NRXN3: variants seen among roughly 807,000 people sequenced by gnomAD.
NRXN3 encodes neurexin 3.
A neutral mutation model predicts 137.6 loss-of-function variants in NRXN3; 32 were observed. The ratio of observed to expected loss-of-function variants is 0.23; its 90% CI spans 0.18 to 0.31. The LOEUF is 0.31. Ranked by LOEUF, NRXN3 falls within the 10% of genes least tolerant of loss-of-function variation. The pLI is 1.00. For missense variants in NRXN3, 1,574 were observed against 2,062.5 expected, an observed-to-expected ratio of 0.76 and a Z score of 4.59; for synonymous variants, 798 against 784.5, an observed-to-expected ratio of 1.02 and a Z score of -0.29.
At chr14:78,347,719 TG>T (rs2082941039) in intron 4 of NRXN3, among the ~76,000 whole-genome samples, 1 of 152,154 alleles carries the variant, frequency 6.6e-6, no homozygotes, top group African/African-American at 2.4e-5. Flanking sequence ...TCTGTGACGT[TG>T]GGAACAGCAT....
At chr14:79,151,543 C>A (rs2153033790) in intron 15 of NRXN3, among the ~76,000 whole-genome samples, 1 of 152,150 alleles carries the variant, frequency 6.6e-6, no homozygotes, top group African/African-American at 2.4e-5. Flanking sequence ...GGTCCTTGGA[C>A]TTGGTGCTGT....
chr14:79,046,868 A>T (rs2099633898), intron 15 of NRXN3, among the ~76,000 whole-genome samples: 1 of 152,238 alleles, frequency 6.6e-6, no homozygotes, highest in African/African-American at 2.4e-5. Context: ...TAACAGAATT[A>T]AGCAACATAC....
At chr14:79,169,103 C>T (rs1468559275) in intron 15 of NRXN3, among the ~76,000 whole-genome samples, 1 of 152,100 alleles carries the variant, frequency 6.6e-6, no homozygotes, top group Non-Finnish European at 1.5e-5. Flanking sequence ...TCCCTTCCAT[C>T]CTCAGTCACC....
chr14:79,474,423 T>C (rs1196693039), intron 16 of NRXN3, among the ~76,000 whole-genome samples: 1 of 152,124 alleles, frequency 6.6e-6, no homozygotes, highest in East Asian at 1.9e-4. Flanking sequence ...GCTTGGACTT[T>C]TTAGGCAAAA....
intron 2 of NRXN3, among the ~76,000 whole-genome samples, chr14:78,267,890 G>C (rs1179521970): frequency 6.6e-6 from 1 of 152,150 alleles, no homozygotes; most frequent in Non-Finnish European, 1.5e-5. Context: ...GTCTTTTTGA[G>C]TCTCCAGTGC....
intron 4 of NRXN3, among the ~76,000 whole-genome samples, chr14:78,313,285 G>A (rs1263263842): frequency 4.6e-5 from 7 of 152,120 alleles, no homozygotes; most frequent in South Asian, 2.1e-4. Context: ...TGTTTGTTTC[G>A]TCTGTTTAGT....
chr14:78,456,424 G>C (rs1255637479), intron 4 of NRXN3, among the ~76,000 whole-genome samples: 1 of 152,146 alleles, frequency 6.6e-6, no homozygotes, highest in Non-Finnish European at 1.5e-5. Context: ...GTATGTAAAG[G>C]GTTTTCTGCT....
At chr14:79,499,273 G>A (rs1288009403) in intron 16 of NRXN3, among the ~76,000 whole-genome samples, 1 of 152,072 alleles carries the variant, frequency 6.6e-6, no homozygotes, top group East Asian at 1.9e-4. Context: ...CACACCCTGG[G>A]CTGTTTGTCA....
intron 6 of NRXN3, among the ~76,000 whole-genome samples, chr14:78,708,256 T>C (rs1158984738): frequency 6.6e-6 from 1 of 152,178 alleles, no homozygotes; most frequent in African/African-American, 2.4e-5. Context: ...TAACCTTGGG[T>C]AGGGCATGGA....
At chr14:78,633,688 C>A (rs1022759869) in intron 4 of NRXN3, among the ~76,000 whole-genome samples, 1 of 152,334 alleles carries the variant, frequency 6.6e-6, no homozygotes, top group East Asian at 1.9e-4. Flanking sequence ...CTAGGATTTG[C>A]ACCTCCGCAT....
chr14:79,465,731 G>T (rs2153611396), intron 15 of NRXN3, among the ~76,000 whole-genome samples: 1 of 152,298 alleles, frequency 6.6e-6, no homozygotes, highest in South Asian at 2.1e-4. Context: ...GTATCTGAAT[G>T]GTTGTATAAT....
chr14:79,467,078 GCCGTTCCT>G lies in NRXN3; in HGVS notation c.3263-141_3263-134del, dbSNP rs534590150. 4.0e-4 allele frequency: 264 copies of G among 655,338 alleles called. 1 individual carries two copies. In the African/African-American group the frequency reaches 4.7e-3, roughly 12 times the overall value. 40.6% of individuals were successfully genotyped at this position (655,338 alleles called of 1,614,324 possible). The stretch of plus-strand genomic sequence containing the variant: ...ATAGCTGCCTTCAGAAGCTTTGGGA[GCCGTTCCT>G]CTCAGTAACCAAATACTGTCCCATG... On this transcript the variant is annotated intron_variant, in intron 15 of 20. Coordinates refer to ENST00000335750, the MANE Select transcript of NRXN3 (RefSeq NM_001330195.2).
intron 15 of NRXN3, among the ~76,000 whole-genome samples, chr14:79,136,633 T>C (rs1056367292): frequency 1.3e-5 from 2 of 152,138 alleles, no homozygotes; most frequent in Non-Finnish European, 2.9e-5. Flanking sequence ...CCCGGCCTGC[T>C]CCTCTCACAA....
At chr14:79,682,235 A>C (rs2098674349) in intron 17 of NRXN3, among the ~76,000 whole-genome samples, 1 of 152,162 alleles carries the variant, frequency 6.6e-6, no homozygotes, top group Non-Finnish European at 1.5e-5. Context: ...ATGCTGATCC[A>C]TACTTTTCTC....
At chr14:79,663,147 CA>C (rs1331669365) in intron 16 of NRXN3, among the ~76,000 whole-genome samples, 12 of 152,138 alleles carry the variant, frequency 7.9e-5, no homozygotes, top group African/African-American at 2.2e-4. Context: ...GCCATCTAAT[CA>C]TGAAAATTCT....
intron 6 of NRXN3, among the ~76,000 whole-genome samples, chr14:78,655,399 T>C (rs2097776690): frequency 6.6e-6 from 1 of 152,196 alleles, no homozygotes; most frequent in African/African-American, 2.4e-5. Flanking sequence ...ATGGAATCTC[T>C]ATATTTCTCA....
At chr14:78,928,922 A>G (rs2099313945) in intron 10 of NRXN3, among the ~76,000 whole-genome samples, 2 of 152,188 alleles carry the variant, frequency 1.3e-5, no homozygotes, top group South Asian at 4.1e-4. Context: ...CCAACAGTGT[A>G]AAAGCATTCC....
At chr14:79,023,969 T>C (rs1334783475) in intron 15 of NRXN3, among the ~76,000 whole-genome samples, 1 of 152,162 alleles carries the variant, frequency 6.6e-6, no homozygotes, top group Non-Finnish European at 1.5e-5. Flanking sequence ...TTCAAGTGGC[T>C]ATGTTCCTTT....
chr14:79,805,219 C>G (rs1255699187), intron 20 of NRXN3, 29 bp downstream of exon 20: 1 of 1,590,496 alleles, frequency 6.3e-7, no homozygotes, highest in Admixed American at 1.7e-5. Flanking sequence ...ATTTTGCTTG[C>G]TTTCTTTTTT....
Sources: gnomAD v4.1 joint callset for allele counts (sites outside exome capture counted in the v4.1 genomes callset) on GRCh38, gnomAD v4.1.1 for gene constraint, MANE v1.5 for transcripts, NCBI Gene and HGNC (gene_info 2026-07-23, HGNC 2026-07-21) for gene names.